MCC: variants seen among roughly 807,000 people sequenced by gnomAD.
The protein encoded by MCC is colorectal mutant cancer protein.
Under a neutral mutation model 116.2 loss-of-function variants are expected in MCC, and 90 were observed. The ratio of observed to expected loss-of-function variants is 0.77; its 90% CI spans 0.65 to 0.92. MCC has a LOEUF of 0.92. Ranked by LOEUF, MCC falls within the 40% of genes least tolerant of loss-of-function variation. The pLI is 0.00. For missense variants in MCC, 1,516 were observed against 1,312.2 expected, an observed-to-expected ratio of 1.16 and a Z score of -2.40; for synonymous variants, 578 against 510.5, an observed-to-expected ratio of 1.13 and a Z score of -1.78.
At chr5:113,440,166 T>G (rs1031379414) in intron 1 of MCC, among the ~76,000 whole-genome samples, 1 of 152,234 alleles carries the variant, frequency 6.6e-6, no homozygotes, top group African/African-American at 2.4e-5. Flanking sequence ...CTGGTCTCTC[T>G]ACTTCCAGTC....
chr5:113,092,813 A>G (rs1755729618), intron 8 of MCC, among the ~76,000 whole-genome samples: 1 of 152,232 alleles, frequency 6.6e-6, no homozygotes, highest in East Asian at 1.9e-4. Context: ...TCAAAGCAAG[A>G]CTATACACAC....
At chr5:113,154,629 T>C (rs1171588841) in intron 3 of MCC, among the ~76,000 whole-genome samples, 1 of 152,224 alleles carries the variant, frequency 6.6e-6, no homozygotes, top group Admixed American at 6.5e-5. Context: ...CTCTGGCTTA[T>C]TGGTGGCATT....
At chr5:113,399,309 C>T (rs1466430366) in intron 1 of MCC, among the ~76,000 whole-genome samples, 1 of 152,034 alleles carries the variant, frequency 6.6e-6, no homozygotes, top group African/African-American at 2.4e-5. Flanking sequence ...CAAGGTGAAA[C>T]CCTGTCTCTA....
At chr5:113,082,836 C>G in intron 11 of MCC, 24 bp downstream of exon 11, 3 of 1,610,326 alleles carry the variant, frequency 1.9e-6, no homozygotes, top group Middle Eastern at 1.7e-4. Context: ...GCCCCACAAT[C>G]AAATCGATAC....
chr5:113,201,902 A>T (rs1762697610), intron 3 of MCC, among the ~76,000 whole-genome samples: 3 of 152,220 alleles, frequency 2.0e-5, no homozygotes, highest in East Asian at 1.9e-4. Flanking sequence ...TCCAAGTAAC[A>T]CGCTGTCAGG....
intron 2 of MCC, among the ~76,000 whole-genome samples, chr5:113,370,403 A>C (rs1308480356): frequency 6.6e-6 from 1 of 152,246 alleles, no homozygotes; most frequent in Non-Finnish European, 1.5e-5. Flanking sequence ...TCTAAAGAGA[A>C]ATTAACAGAA....
chr5:113,192,231 TAAGGCCAAGCTATTAGATC>T (rs1762184290), intron 3 of MCC, among the ~76,000 whole-genome samples: 1 of 152,206 alleles, frequency 6.6e-6, no homozygotes, highest in Non-Finnish European at 1.5e-5. Flanking sequence ...AATGTTTTGG[TAAGGCCAAGCTATTAGATC>T]AAGGTCACCC....
intron 3 of MCC, among the ~76,000 whole-genome samples, chr5:113,164,980 G>C (rs1000355077): frequency 2.0e-5 from 3 of 152,190 alleles, no homozygotes; most frequent in African/African-American, 7.2e-5. Context: ...CCAAAAAGGC[G>C]CTGTTCTACC....
rs572992126 is a variant in MCC at position 113,243,372 on chromosome 5, C to T, written c.628-91950G>A. 4.6e-5 allele frequency among the ~76,000 whole-genome samples: 7 copies of T among 152,286 alleles called. No individual in the cohort carries two copies. In the East Asian group the frequency reaches 1.3e-3, roughly 29 times the overall value. ...CTATAGGATACTACTTGTGAGTATC[C>T]TATACTCCTATACTCCAGGTCTCTG... On this transcript the variant is annotated intron_variant, in intron 3 of 18. Coordinates refer to ENST00000408903, the MANE Select transcript of MCC (RefSeq NM_001085377.2).
At chr5:113,202,854 G>A (rs191541483) in intron 3 of MCC, among the ~76,000 whole-genome samples, 202 of 150,990 alleles carry the variant, frequency 1.3e-3, no homozygotes, top group African/African-American at 4.7e-3. Context: ...TATGGCGTCC[G>A]TGTTAGAAGA....
chr5:113,334,590 A>ATTT (rs58288026), intron 3 of MCC, among the ~76,000 whole-genome samples: 25,446 of 120,702 alleles, frequency 0.21, 4,070 homozygotes, highest in African/African-American at 0.38. Context: ...CTGATTTCTG[A>ATTT]TTTTTTTTTT....
chr5:113,382,705 T>C (rs1446714477), intron 2 of MCC, among the ~76,000 whole-genome samples: 1 of 152,232 alleles, frequency 6.6e-6, no homozygotes, highest in East Asian at 1.9e-4. Flanking sequence ...CATTGCTTTA[T>C]GGACTTTACA....
chr5:113,189,522 T>C (rs561649793), intron 3 of MCC, among the ~76,000 whole-genome samples: 30 of 152,318 alleles, frequency 2.0e-4, no homozygotes, highest in African/African-American at 7.0e-4. Context: ...CCAGGTTCAC[T>C]ATGACTTGCT....
chr5:113,103,386 G>C (rs144412197), intron 7 of MCC, among the ~76,000 whole-genome samples: 1 of 152,190 alleles, frequency 6.6e-6, no homozygotes, highest in Non-Finnish European at 1.5e-5. Context: ...GTTGGGGCTA[G>C]ACCCAAGTTG....
At chr5:113,367,919 A>C (rs1768743188) in intron 2 of MCC, among the ~76,000 whole-genome samples, 1 of 152,088 alleles carries the variant, frequency 6.6e-6, no homozygotes, top group Non-Finnish European at 1.5e-5. Context: ...CTTATCTCCT[A>C]AGGCCAGTTC....
chr5:113,148,376 GT>G (rs1759652377), intron 4 of MCC, among the ~76,000 whole-genome samples: 1 of 92,220 alleles, frequency 1.1e-5, no homozygotes, highest in South Asian at 3.2e-4. Flanking sequence ...CTACCTACAG[GT>G]GGATGTCATG....
At chr5:113,178,455 C>T (rs1761450193) in intron 3 of MCC, among the ~76,000 whole-genome samples, 1 of 152,040 alleles carries the variant, frequency 6.6e-6, no homozygotes, top group African/African-American at 2.4e-5. Flanking sequence ...ATTGCCAGGG[C>T]AGAAGATTTA....
chr5:113,074,031 G>C (rs1172614322), intron 11 of MCC, among the ~76,000 whole-genome samples: 2 of 152,238 alleles, frequency 1.3e-5, no homozygotes, highest in Non-Finnish European at 2.9e-5. Context: ...GAAGAGAGCA[G>C]TGGTTCTCCC....
At chr5:113,432,598 A>G (rs745590651) in intron 1 of MCC, 1 of 152,214 alleles carries the variant, frequency 6.6e-6, no homozygotes, top group Non-Finnish European at 1.5e-5. Context: ...ACTGAGACAT[A>G]TAGATTAACC....
Sources: allele counts gnomAD v4.1 joint callset (sites outside exome capture counted in the v4.1 genomes callset), GRCh38; gene constraint gnomAD v4.1.1; transcripts MANE v1.5; gene names NCBI Gene and HGNC (gene_info 2026-07-23, HGNC 2026-07-21).